Variants in TOP1MT observed in about 807,000 individuals in gnomAD.
The protein encoded by TOP1MT is DNA topoisomerase I, mitochondrial.
TOP1MT carries 80 observed loss-of-function variants against 73.9 expected under a neutral mutation model. The ratio of observed to expected loss-of-function variants is 1.08; its 90% CI spans 0.90 to 1.30. TOP1MT has a LOEUF of 1.30. TOP1MT is among the 50% of genes most tolerant of loss of function. The pLI is 0.00. For synonymous variants in TOP1MT, 338 were observed against 326.4 expected (o/e 1.04, Z -0.38); for missense variants, 815 against 808.0 (o/e 1.01, Z -0.10).
chr8:143,322,751 G>GCCACA (rs1398908201), intron 7 of TOP1MT, among the ~76,000 whole-genome samples: 1 of 18,240 alleles, frequency 5.5e-5, no homozygotes, highest in African/African-American at 3.5e-4. Flanking sequence ...ACACACGCAC[G>GCCACA]CACGCCACAC....
At chr8:143,345,312 C>T (rs977372975), upstream of TOP1MT, among the ~76,000 whole-genome samples, 3 of 151,858 alleles carry the variant, frequency 2.0e-5, no homozygotes, top group African/African-American at 7.3e-5. Flanking sequence ...CCTGACCTGG[C>T]AGAGCCCTGC....
upstream of TOP1MT, among the ~76,000 whole-genome samples, chr8:143,336,763 ACTT>A (rs1816988977): frequency 9.2e-5 from 14 of 152,190 alleles, no homozygotes; most frequent in Admixed American, 9.2e-4. Flanking sequence ...CAAGTGGATC[ACTT>A]GAGCCAAGGA....
chr8:143,326,944 G>C (rs1047723758), intron 3 of TOP1MT, among the ~76,000 whole-genome samples: 2 of 152,198 alleles, frequency 1.3e-5, no homozygotes, highest in Non-Finnish European at 2.9e-5. Context: ...CTGCTTCTGA[G>C]AGGATGCCCT....
chr8:143,313,224 A>T (rs1009496048), intron 12 of TOP1MT, among the ~76,000 whole-genome samples: 2 of 152,196 alleles, frequency 1.3e-5, no homozygotes, highest in Non-Finnish European at 2.9e-5. Context: ...ACTCATCCAA[A>T]TCTTAAATGT....
intron 2 of TOP1MT, among the ~76,000 whole-genome samples, chr8:143,340,298 G>A (rs183282054): frequency 1.7e-5 from 2 of 118,196 alleles, no homozygotes; most frequent in South Asian, 3.2e-4. Context: ...TCCCAGCACC[G>A]GTCTGCACAG....
At chr8:143,332,628 A>G (rs145333411) in intron 1 of TOP1MT, 5 of 1,237,882 alleles carry the variant, frequency 4.0e-6, no homozygotes, top group Non-Finnish European at 5.3e-6. Context: ...TGTGCAACAG[A>G]CATTTCTGAA....
At position 143,322,250 on chromosome 8, in the gene TOP1MT, G is replaced by GCACGCCACACACA. The variant is rs1306096774; in HGVS notation, c.961-877_961-865dup. 3.7e-4 allele frequency among the ~76,000 whole-genome samples: 6 copies of GCACGCCACACACA among 16,034 alleles called. 1 individual carries two copies. The highest frequency in any genetic ancestry group is 9.8e-4 in the African/African-American group (3 of 3,062). The allele number at this position is 16,034 out of a possible 152,430, so 10.5% of individuals were successfully genotyped here. On this transcript the variant is annotated intron_variant, in intron 7 of 13. Transcript: ENST00000329245. ...CGCCACACACATGCATGCCACACAC[G>GCACGCCACACACA]CACGCCACACACACACGCCACACAC...
chr8:143,348,182 G>C (rs1461447992), upstream of TOP1MT, among the ~76,000 whole-genome samples: 3 of 152,200 alleles, frequency 2.0e-5, no homozygotes, highest in Non-Finnish European at 4.4e-5. This position sits in a 1 kb window ranked among gnomAD's most constrained non-coding sequence, Gnocchi z 4.6. Context: ...GCCCCATCCA[G>C]AGATACTCCC....
chr8:143,322,566 GACACGCCACACAC>G (rs1816487758), intron 7 of TOP1MT, among the ~76,000 whole-genome samples: 1 of 39,432 alleles, frequency 2.5e-5, no homozygotes, highest in African/African-American at 9.0e-5. Context: ...GCCACACACA[GACACGCCACACAC>G]ATGCACGCCA....
chr8:143,345,570 C>A (rs1390912382), upstream of TOP1MT, among the ~76,000 whole-genome samples: 1 of 152,244 alleles, frequency 6.6e-6, no homozygotes, highest in Non-Finnish European at 1.5e-5. Context: ...CTGGCTGGCA[C>A]TTCAGCAGAG....
At chr8:143,322,640 A>G (rs547209778) in intron 7 of TOP1MT, among the ~76,000 whole-genome samples, 1 of 9,324 alleles carries the variant, frequency 1.1e-4, no homozygotes, top group Admixed American at 8.0e-4. Context: ...TCACACACAC[A>G]CGCCACACGC....
upstream of TOP1MT, among the ~76,000 whole-genome samples, chr8:143,346,694 A>G (rs920116280): frequency 1.8e-4 from 28 of 152,304 alleles, no homozygotes; most frequent in African/African-American, 6.7e-4. Flanking sequence ...CAGACTGGGC[A>G]ATTTATAAAG....
At chr8:143,321,817 ACACG>A (rs1207195985) in intron 7 of TOP1MT, among the ~76,000 whole-genome samples, 1 of 109,680 alleles carries the variant, frequency 9.1e-6, no homozygotes. Context: ...CGCTACACAC[ACACG>A]CACGCTACAC....
chr8:143,335,678 C>T (rs575143631), upstream of TOP1MT, among the ~76,000 whole-genome samples: 8 of 152,368 alleles, frequency 5.3e-5, no homozygotes, highest in South Asian at 2.1e-4. Context: ...TGGTCTTCCC[C>T]GGTAAAACCC....
At chr8:143,329,857 A>G (rs975441582) in intron 2 of TOP1MT, among the ~76,000 whole-genome samples, 1 of 152,234 alleles carries the variant, frequency 6.6e-6, no homozygotes, top group Admixed American at 6.5e-5. Flanking sequence ...AGAAAACTGA[A>G]TAACTAGGTG....
chr8:143,331,377 A>G (rs1233782736), intron 1 of TOP1MT, 38 bp from the exon 2 acceptor site: 3 of 1,564,588 alleles, frequency 1.9e-6, no homozygotes, highest in African/African-American at 1.3e-5. Context: ...CTCCTGGGCC[A>G]GGCCCTGCAT....
At chr8:143,339,970 G>C (rs111940753) in intron 2 of TOP1MT, among the ~76,000 whole-genome samples, 13 of 31,136 alleles carry the variant, frequency 4.2e-4, no homozygotes, top group Middle Eastern at 0.022. Context: ...GCATTCCCCC[G>C]TCCCAGCACT....
At chr8:143,320,408 G>C (rs1447024488) in intron 8 of TOP1MT, among the ~76,000 whole-genome samples, 1 of 152,128 alleles carries the variant, frequency 6.6e-6, no homozygotes, top group Non-Finnish European at 1.5e-5. Context: ...GGGATTACAG[G>C]CGTGAGCCAC....
chr8:143,310,724 C>T (rs1232357328), intron 12 of TOP1MT, among the ~76,000 whole-genome samples: 1 of 152,224 alleles, frequency 6.6e-6, no homozygotes, highest in Admixed American at 6.5e-5. Context: ...GCCACAAACA[C>T]TCGAATGTGC....
Sources: allele counts gnomAD v4.1 joint callset (sites outside exome capture counted in the v4.1 genomes callset), GRCh38; gene constraint gnomAD v4.1.1; non-coding constraint Gnocchi (gnomAD v3.1); transcripts MANE v1.5; gene names NCBI Gene and HGNC (gene_info 2026-07-23, HGNC 2026-07-21).